The following DCAF8L2 variants were observed in gnomAD, a reference collection of about 807,000 sequenced individuals.
The protein encoded by DCAF8L2 is DDB1- and CUL4-associated factor 8-like protein 2.
For missense variants in DCAF8L2, 430 were observed against 490.7 expected (o/e 0.88, Z 1.17); for synonymous variants, 200 against 190.9 (o/e 1.05, Z -0.39).
At chrX:27,591,690 C>T (rs1926100689) in intron 1 of DCAF8L2, among the ~76,000 whole-genome samples, 1 of 111,705 alleles carries the variant, frequency 9.0e-6, no homozygotes, top group East Asian at 2.8e-4. Context: ...TATTTCTCTG[C>T]ATACAGGTAA....
chrX:27,602,803 A>G (rs966351662), intron 1 of DCAF8L2, among the ~76,000 whole-genome samples: 1 of 111,836 alleles, frequency 8.9e-6, no homozygotes, highest in African/African-American at 3.2e-5. Flanking sequence ...ATTGCGTTCA[A>G]AGTGCAAATA....
At chrX:27,638,970 G>C (rs1354273602) in intron 2 of DCAF8L2, among the ~76,000 whole-genome samples, 1 of 111,507 alleles carries the variant, frequency 9.0e-6, no homozygotes, top group East Asian at 2.8e-4. Flanking sequence ...AACCAAGTAA[G>C]TAAAACAAAA....
At chrX:27,471,223 G>T in the DCAF8L2 span, among the ~76,000 whole-genome samples, 1 of 111,935 alleles carries the variant, frequency 8.9e-6, no homozygotes, top group Non-Finnish European at 1.9e-5. Flanking sequence ...TTGAATTTTT[G>T]TGGTTCAAGA....
chrX:27,677,671 G>A (rs750817076), intron 2 of DCAF8L2, among the ~76,000 whole-genome samples, 165 bp from the exon 3 acceptor site: 38 of 111,883 alleles, frequency 3.4e-4, no homozygotes, highest in African/African-American at 1.2e-3. Flanking sequence ...GCCAGGTCAT[G>A]CAGGACCTTG....
intron 1 of DCAF8L2, among the ~76,000 whole-genome samples, chrX:27,612,879 GCGTGA>G (rs2147139973): frequency 9.0e-6 from 1 of 111,720 alleles, no homozygotes; most frequent in South Asian, 3.8e-4. Context: ...AAGTCAGGTA[GCGTGA>G]TACCTCCACC....
intron 1 of DCAF8L2, among the ~76,000 whole-genome samples, chrX:27,598,329 G>T (rs186265989): frequency 6.5e-4 from 73 of 111,731 alleles, no homozygotes; most frequent in Admixed American, 2.6e-3. Flanking sequence ...TTTTCTTGAA[G>T]GTAGAATGTA....
intron 3 of DCAF8L2, among the ~76,000 whole-genome samples, chrX:27,703,331 T>A (rs1219091490): frequency 9.0e-6 from 1 of 111,131 alleles, no homozygotes; most frequent in Non-Finnish European, 1.9e-5. Context: ...AAACCGATCC[T>A]AAATTTATAT....
chrX:27,658,394 T>C (rs960377088), intron 2 of DCAF8L2, among the ~76,000 whole-genome samples: 1 of 111,805 alleles, frequency 8.9e-6, no homozygotes, highest in Non-Finnish European at 1.9e-5. Context: ...AATTTGGGGG[T>C]AAGATTAGTA....
At chrX:27,549,637 T>A in the DCAF8L2 span, among the ~76,000 whole-genome samples, 1 of 111,494 alleles carries the variant, frequency 9.0e-6, no homozygotes, top group East Asian at 2.8e-4. Flanking sequence ...AGGAGAGTAA[T>A]GAAAGACTCA....
the DCAF8L2 span, among the ~76,000 whole-genome samples, chrX:27,477,523 G>A: frequency 2.5e-4 from 28 of 111,398 alleles, no homozygotes; most frequent in Non-Finnish European, 5.1e-4. Context: ...TCCTGACCTC[G>A]TCATCCACCC....
the DCAF8L2 span, among the ~76,000 whole-genome samples, chrX:27,514,624 C>A: frequency 0.06 from 5,335 of 88,734 alleles, 486 homozygotes; most frequent in African/African-American, 0.22. Flanking sequence ...AGCCGAGATC[C>A]CGCCACTGCA....
chrX:27,573,266 A>T, the DCAF8L2 span, among the ~76,000 whole-genome samples: 1 of 109,221 alleles, frequency 9.2e-6, no homozygotes, highest in African/African-American at 3.3e-5. Flanking sequence ...ACACACACAC[A>T]CACACACACA....
chrX:27,477,800 G>A, the DCAF8L2 span, among the ~76,000 whole-genome samples: 5 of 111,812 alleles, frequency 4.5e-5, no homozygotes, highest in African/African-American at 1.3e-4. Flanking sequence ...TAAGTAATGC[G>A]AAATGAGAGG....
At chrX:27,689,523 G>T (rs1044980942) in intron 3 of DCAF8L2, among the ~76,000 whole-genome samples, 2 of 112,754 alleles carry the variant, frequency 1.8e-5, no homozygotes, top group Non-Finnish European at 3.7e-5. Flanking sequence ...GGGATTACAG[G>T]CGTGAGCCAC....
At chrX:27,697,930 A>G (rs1930988174) in intron 3 of DCAF8L2, among the ~76,000 whole-genome samples, 1 of 111,358 alleles carries the variant, frequency 9.0e-6, no homozygotes, top group Non-Finnish European at 1.9e-5. Context: ...TACAATTGTC[A>G]TAAGTATACG....
At chrX:27,700,381 GAAA>G in intron 3 of DCAF8L2, among the ~76,000 whole-genome samples, 1 of 105,496 alleles carries the variant, frequency 9.5e-6, no homozygotes, top group African/African-American at 3.4e-5. Flanking sequence ...AAGTGTTAAG[GAAA>G]AAAAAAAATC....
the DCAF8L2 span, among the ~76,000 whole-genome samples, chrX:27,544,112 G>A: frequency 0.095 from 10,593 of 111,003 alleles, 402 homozygotes; most frequent in Non-Finnish European, 0.12. Flanking sequence ...ATCATTTAGT[G>A]TCTCTGAGAG....
chrX:27,698,416 G>T (rs956057720), intron 3 of DCAF8L2, among the ~76,000 whole-genome samples: 3 of 111,606 alleles, frequency 2.7e-5, no homozygotes, highest in Non-Finnish European at 5.7e-5. Flanking sequence ...GGCTACCAGA[G>T]AACTTGTAGG....
the DCAF8L2 span, among the ~76,000 whole-genome samples, chrX:27,558,887 G>A: frequency 2.7e-5 from 3 of 109,272 alleles, no homozygotes; most frequent in South Asian, 8.1e-4. Flanking sequence ...GCAGATTCTG[G>A]ATCATAAAAT....
Sources: gnomAD v4.1 joint callset for allele counts (sites outside exome capture counted in the v4.1 genomes callset) on GRCh38, gnomAD v4.1.1 for gene constraint, MANE v1.5 for transcripts, NCBI Gene and HGNC (gene_info 2026-07-23, HGNC 2026-07-21) for gene names.